The following CABIN1 variants were observed in gnomAD, a reference collection of about 807,000 sequenced individuals.
CABIN1 encodes calcineurin binding protein 1.
A neutral mutation model predicts 227.7 loss-of-function variants in CABIN1; 133 were observed. The ratio of observed to expected loss-of-function variants is 0.58; its 90% confidence interval spans 0.51 to 0.67. The LOEUF (loss-of-function observed/expected upper bound fraction) is 0.67. Among genes scored for constraint, CABIN1 ranks in the 30% least tolerant of loss-of-function variants. The probability of loss-of-function intolerance (pLI) is 0.00; values close to 1 mark genes in which losing one functional copy is unlikely to be tolerated. For synonymous variants in CABIN1, 1,086 were observed against 1,155.1 expected (o/e 0.94, Z 1.21); for missense variants, 2,408 against 2,852.5 (o/e 0.84, Z 3.55).
chr22:24,111,866 T>C (rs1319535324), intron 26 of CABIN1, among the ~76,000 whole-genome samples: 1 of 152,234 alleles, frequency 6.6e-6, no homozygotes, highest in African/African-American at 2.4e-5. Flanking sequence ...CTGTGTCAGG[T>C]TGGCTGCAAT....
chr22:24,044,436 T>C (rs539180380), intron 6 of CABIN1, among the ~76,000 whole-genome samples: 2 of 152,316 alleles, frequency 1.3e-5, no homozygotes, highest in Non-Finnish European at 2.9e-5. Context: ...CCCACACTGA[T>C]CTTATAAGAA....
intron 29 of CABIN1, among the ~76,000 whole-genome samples, chr22:24,161,497 G>A (rs947200662): frequency 1.3e-5 from 2 of 152,182 alleles, no homozygotes; most frequent in Admixed American, 1.3e-4. Flanking sequence ...CTAGGAGAGG[G>A]CCAGAGGAGA....
chr22:24,101,965 TAGC>T (rs1263417597), intron 26 of CABIN1, among the ~76,000 whole-genome samples: 1 of 152,180 alleles, frequency 6.6e-6, no homozygotes, highest in East Asian at 1.9e-4. Context: ...TGCAGGGTAG[TAGC>T]ATGTCTCCAT....
rs1422714830 is a variant in CABIN1 at position 24,061,976 on chromosome 22, G to A, written c.1647G>A (p.Met549Ile). 4.3e-6 allele frequency: 7 copies of A among 1,613,964 alleles called. No homozygotes were observed. The highest frequency in any genetic ancestry group is 5.9e-6 in the Non-Finnish European group (7 of 1,180,010). The change falls in exon 13 of 37, where the codon ATG becomes ATA. Residue 549 changes from methionine to isoleucine, a missense_variant. By Grantham distance (10) the Met-to-Ile change is conservative (BLOSUM62 1). Transcript: ENST00000263119. ...TGATGCTGATGTCTCTCTCCTGCAT[G>A]GAACTCCAGCTGGACCAGTGGCTGC... ...KDMMLMSLSC[M>I]ELQLDQWLLT...
chr22:24,112,585 G>T (rs1280955546), intron 26 of CABIN1, among the ~76,000 whole-genome samples: 1 of 152,104 alleles, frequency 6.6e-6, no homozygotes, highest in Admixed American at 6.5e-5. Flanking sequence ...CCAGCCTAGG[G>T]TTGGGGACAT....
chr22:24,030,533 G>A (rs913721773), intron 1 of CABIN1, among the ~76,000 whole-genome samples: 14 of 152,218 alleles, frequency 9.2e-5, no homozygotes, highest in African/African-American at 3.4e-4. Context: ...GTTAAAGCCA[G>A]CACAGGTGCC....
At chr22:24,146,174 C>CT (rs1309389054) in intron 29 of CABIN1, among the ~76,000 whole-genome samples, 1 of 152,298 alleles carries the variant, frequency 6.6e-6, no homozygotes, top group East Asian at 1.9e-4. Context: ...AGCTACTTGG[C>CT]TGTAGTAGGA....
chr22:24,156,122 G>T, intron 29 of CABIN1: 1 of 402,330 alleles, frequency 2.5e-6, no homozygotes, highest in Non-Finnish European at 4.4e-6. Flanking sequence ...GCCGGGACTG[G>T]GGCCGGGGCT....
intron 20 of CABIN1, 151 bp from the exon 21 acceptor site, chr22:24,084,428 T>TG (rs1297829658): frequency 2.8e-6 from 2 of 704,902 alleles, no homozygotes; most frequent in Non-Finnish European, 4.9e-6. Flanking sequence ...AGATTTTTTT[T>TG]TTTTAAGTAT....
At chr22:24,057,820 G>A (rs946871319) in intron 10 of CABIN1, among the ~76,000 whole-genome samples, 20 of 152,316 alleles carry the variant, frequency 1.3e-4, no homozygotes, top group African/African-American at 3.8e-4. Flanking sequence ...TTCTTAAGGG[G>A]TAATACCAGA....
chr22:24,067,326 T>C, intron 16 of CABIN1, 145 bp downstream of exon 16: 1 of 879,898 alleles, frequency 1.1e-6, no homozygotes, highest in Non-Finnish European at 1.8e-6. Flanking sequence ...CCCAGGAAGA[T>C]GTTAGTCAGA....
rs2037841559 is a variant in CABIN1 at position 24,045,911 on chromosome 22, AACAT to A, written c.526+2835_526+2838del. Among the ~76,000 whole-genome samples the A allele has an allele frequency of 2.6e-5, 4 of 152,218 alleles. No individual in the cohort carries two copies. In the South Asian group the frequency reaches 6.2e-4, roughly 24 times the overall value. On this transcript the variant is annotated intron_variant, in intron 6 of 36. Coordinates refer to ENST00000263119, the MANE Select transcript of CABIN1 (RefSeq NM_012295.4). ...TTTTAAATCTTTTTAATTGAGGCAA[AACAT>A]ACATACAATAAGGTACATAAATCTG...
In CABIN1 at chr22:24,091,748, A is replaced by C. The variant is rs112916763; in HGVS notation, c.3691A>C (p.Arg1231=). The change falls in exon 24 of 37, where the codon AGG becomes CGG. Residue 1231 remains arginine, a synonymous_variant. Coordinates refer to ENST00000263119, the MANE Select transcript of CABIN1 (RefSeq NM_012295.4). ...QPPTVYLLHY[R]QAGHYLHEEA... ...ACCCACCGTTTACTTGCTGCACTAC[A>C]GGCAGGCTGGCCACTACCTGCACGA... The C allele has an allele frequency of 1.6e-4, 264 of 1,614,122 alleles. 2 individuals are homozygous for C. The African/African-American group carries it at 2.8e-3, about 17-fold the overall frequency.
At chr22:24,118,897 G>A (rs912695694) in intron 27 of CABIN1, among the ~76,000 whole-genome samples, 6 of 152,244 alleles carry the variant, frequency 3.9e-5, no homozygotes, top group African/African-American at 1.2e-4. Context: ...ATATAGCAGC[G>A]GCAACCCTGG....
At chr22:24,133,915 A>C (rs1207269415) in intron 28 of CABIN1, among the ~76,000 whole-genome samples, 3 of 152,182 alleles carry the variant, frequency 2.0e-5, no homozygotes, top group Non-Finnish European at 4.4e-5. Flanking sequence ...GGCCGTGAAT[A>C]AGGAACGCTA....
intron 6 of CABIN1, among the ~76,000 whole-genome samples, chr22:24,047,493 T>C (rs555720728): frequency 1.5e-4 from 23 of 152,230 alleles, no homozygotes; most frequent in Non-Finnish European, 2.6e-4. Flanking sequence ...TCAGGTTTCA[T>C]GTGGTCTCAG....
intron 29 of CABIN1, among the ~76,000 whole-genome samples, chr22:24,154,735 A>T (rs138654251): frequency 6.6e-6 from 1 of 152,246 alleles, no homozygotes; most frequent in Non-Finnish European, 1.5e-5. Flanking sequence ...GAGGGCAGAG[A>T]GTGTGACATT....
chr22:24,170,756 C>CCA (rs2046757891), intron 33 of CABIN1, among the ~76,000 whole-genome samples: 2 of 147,750 alleles, frequency 1.4e-5, no homozygotes, highest in Non-Finnish European at 3.0e-5. Context: ...CAAACTGCCC[C>CCA]CCCCCCCGCC....
In CABIN1 at chr22:24,178,050, C is replaced by G. The variant is rs1213150466; in HGVS notation, c.6520-3C>G. ...CCAGTGCCCCGCCCGGCCCTCTCCG[C>G]AGTCAGCCATCCTTTCTGCCCAGTC... On this transcript the variant is annotated splice_polypyrimidine_tract_variant and splice_region_variant and intron_variant, in intron 36 of 36. Coordinates refer to ENST00000263119, the MANE Select transcript of CABIN1 (RefSeq NM_012295.4). 1 of 1,613,570 alleles carries G rather than the reference C, an allele frequency of 6.2e-7. No homozygotes were observed. The highest frequency in any genetic ancestry group is 1.1e-5 in the South Asian group (1 of 91,080).
Sources: allele counts gnomAD v4.1 joint callset (sites outside exome capture counted in the v4.1 genomes callset), GRCh38; gene constraint gnomAD v4.1.1; transcripts MANE v1.5; gene names NCBI Gene and HGNC (gene_info 2026-07-23, HGNC 2026-07-21).